Variants in ALPK2 observed in about 807,000 individuals in gnomAD.
ALPK2 encodes the protein alpha-protein kinase 2.
Under a neutral mutation model 163.1 loss-of-function variants are expected in ALPK2, and 127 were observed. That is an observed-to-expected ratio of 0.78 (90% CI 0.67 to 0.90). ALPK2 has a LOEUF of 0.90. Ranked by LOEUF, ALPK2 falls within the 40% of genes least tolerant of loss-of-function variation. The pLI, the probability that ALPK2 is intolerant of heterozygous loss-of-function variation, is 0.00. For missense variants in ALPK2, 2,360 were observed against 2,589.6 expected (o/e 0.91, Z 1.92); for synonymous variants, 953 against 959.1 (o/e 0.99, Z 0.12).
intron 1 of ALPK2, among the ~76,000 whole-genome samples, chr18:58,613,175 C>T (rs1283327799): frequency 6.6e-6 from 1 of 152,116 alleles, no homozygotes; most frequent in Non-Finnish European, 1.5e-5. Context: ...ACGAGTTCCC[C>T]GAGGACAGTT....
intron 10 of ALPK2, among the ~76,000 whole-genome samples, chr18:58,507,574 C>A (rs992838255): frequency 6.6e-6 from 1 of 152,176 alleles, no homozygotes; most frequent in Non-Finnish European, 1.5e-5. Context: ...TCTAGACCCC[C>A]TCTCCCAGTG....
At chr18:58,621,915 C>T (rs565432181) in intron 1 of ALPK2, among the ~76,000 whole-genome samples, 1 of 152,014 alleles carries the variant, frequency 6.6e-6, no homozygotes, top group Non-Finnish European at 1.5e-5. Context: ...CAGCAGCTCC[C>T]TCTGGATTTG....
chr18:58,547,978 T>C (rs980385117), intron 4 of ALPK2, among the ~76,000 whole-genome samples: 3 of 152,158 alleles, frequency 2.0e-5, no homozygotes, highest in Non-Finnish European at 4.4e-5. Context: ...AATTTGTGAG[T>C]AAAAGCAAAA....
chr18:58,579,330 G>A lies in ALPK2; in HGVS notation c.1446C>T (p.Asp482=), dbSNP rs1471458181. 6.2e-7 allele frequency: 1 copy of A among 1,614,134 alleles called. No individual in the cohort carries two copies. Among genetic ancestry groups the A allele is most frequent in the East Asian group, 2.2e-5 (1 of 44,878 alleles). Residue 482 remains aspartate (D), a synonymous_variant, in exon 4 of 13, where the codon GAC becomes GAT. Coordinates refer to ENST00000361673, the MANE Select transcript of ALPK2 (RefSeq NM_052947.4). Reference sequence around the variant, plus strand: ...CTGATTCATCCATGTTGAGCAGATTGTCACTGGCAAATTCCTCTCTTGCTT... The same window carrying A: ...CTGATTCATCCATGTTGAGCAGATTATCACTGGCAAATTCCTCTCTTGCTT... The part of the protein sequence containing the change: ...SHQAREEFAS[D]NLLNMDESVR...
intron 10 of ALPK2, among the ~76,000 whole-genome samples, chr18:58,509,383 C>CT (rs1568069777): frequency 6.6e-6 from 1 of 152,038 alleles, no homozygotes; most frequent in Non-Finnish European, 1.5e-5. Flanking sequence ...ATTTATAATC[C>CT]TTTGGGTATA....
rs541427546 is a variant in ALPK2 at position 58,543,028 on chromosome 18, A to C, written c.1963-4804T>G. 5.1e-4 allele frequency among the ~76,000 whole-genome samples: 78 copies of C among 152,304 alleles called. 2 individuals are homozygous for C. The South Asian group carries it at 0.016, about 31-fold the overall frequency. On this transcript the variant is annotated intron_variant, in intron 4 of 12. Transcript: ENST00000361673. ...GAGCTCTGCCCTCATAGAGGGATTA[A>C]TCCATTTATGGATTAATGAATTAAT...
chr18:58,625,762 G>A (rs1171663420), intron 1 of ALPK2, among the ~76,000 whole-genome samples: 1 of 152,228 alleles, frequency 6.6e-6, no homozygotes, highest in Non-Finnish European at 1.5e-5. Context: ...GCAGTGGAAG[G>A]GCTGGCCCTT....
intron 3 of ALPK2, among the ~76,000 whole-genome samples, chr18:58,606,667 C>G (rs1246395496): frequency 6.6e-6 from 1 of 152,136 alleles, no homozygotes; most frequent in Non-Finnish European, 1.5e-5. Context: ...CTTTGAAGAA[C>G]CCTCAGGCTC....
chr18:58,522,067 T>A (rs1226300735), intron 8 of ALPK2, among the ~76,000 whole-genome samples: 1 of 152,240 alleles, frequency 6.6e-6, no homozygotes, highest in Non-Finnish European at 1.5e-5. Flanking sequence ...GTACATGCAG[T>A]AAATCTTTAA....
chr18:58,615,947 A>G (rs1234606238), intron 1 of ALPK2, among the ~76,000 whole-genome samples: 1 of 152,240 alleles, frequency 6.6e-6, no homozygotes, highest in Non-Finnish European at 1.5e-5. Flanking sequence ...GCCACAGAGC[A>G]CTGACTGTAC....
rs371657711 is a variant in ALPK2, at chr18:58,521,169, G to T, written c.5665+2637C>A. On this transcript the variant is annotated intron_variant, in intron 8 of 12. Coordinates refer to ENST00000361673, the MANE Select transcript of ALPK2 (RefSeq NM_052947.4). ...AGCTGGGAGAAGGTGATGTCATCAG[G>T]GTTCAGACCCAGGCTCTACGGCTGG... Among the ~76,000 whole-genome samples the T allele has an allele frequency of 2.0e-5, 3 of 152,350 alleles. No individual in the cohort carries two copies. In the East Asian group the frequency reaches 5.8e-4, roughly 29 times the overall value.
chr18:58,612,747 C>G (rs116612211), intron 1 of ALPK2, among the ~76,000 whole-genome samples: 1 of 152,226 alleles, frequency 6.6e-6, no homozygotes, highest in Admixed American at 6.5e-5. Flanking sequence ...TCCACGCTAC[C>G]GCTACCGGCA....
At chr18:58,600,685 G>C (rs2052064878) in intron 3 of ALPK2, 2 of 152,256 alleles carry the variant, frequency 1.3e-5, no homozygotes, top group African/African-American at 2.4e-5. Context: ...TAGCATGTTA[G>C]AGTTCTAGTG....
At chr18:58,625,405 T>C (rs1602245506) in intron 1 of ALPK2, among the ~76,000 whole-genome samples, 1 of 152,096 alleles carries the variant, frequency 6.6e-6, no homozygotes, top group Non-Finnish European at 1.5e-5. Flanking sequence ...TAAGCACAAA[T>C]AGGTTTTCTT....
chr18:58,624,860 CATCAAGTTACA>C (rs1443860546), intron 1 of ALPK2, among the ~76,000 whole-genome samples: 1 of 152,200 alleles, frequency 6.6e-6, no homozygotes, highest in Non-Finnish European at 1.5e-5. Context: ...CTATGTTGGA[CATCAAGTTACA>C]ATCAAGTTAC....
At chr18:58,622,069 G>A (rs918161435) in intron 1 of ALPK2, among the ~76,000 whole-genome samples, 1 of 151,354 alleles carries the variant, frequency 6.6e-6, no homozygotes, top group Non-Finnish European at 1.5e-5. Flanking sequence ...GTGCGAGGCC[G>A]GGCATAGTGG....
intron 3 of ALPK2, among the ~76,000 whole-genome samples, chr18:58,595,044 G>A (rs2052034145): frequency 1.3e-5 from 2 of 152,122 alleles, no homozygotes; most frequent in Admixed American, 6.6e-5. Flanking sequence ...CAAATCCAAA[G>A]TCATGACCAT....
intron 3 of ALPK2, among the ~76,000 whole-genome samples, chr18:58,590,862 G>A (rs1335501361): frequency 6.6e-6 from 1 of 152,184 alleles, no homozygotes; most frequent in African/African-American, 2.4e-5. Context: ...TCTCTCCCAG[G>A]CCGGTTCTCA....
chr18:58,609,088 C>T (rs77203156), intron 2 of ALPK2, among the ~76,000 whole-genome samples: 1 of 152,008 alleles, frequency 6.6e-6, no homozygotes, highest in South Asian at 2.1e-4. Context: ...CCTGAAAATG[C>T]TAAGTCTCCC....
Sources: gnomAD v4.1 joint callset for allele counts (sites outside exome capture counted in the v4.1 genomes callset) on GRCh38, gnomAD v4.1.1 for gene constraint, MANE v1.5 for transcripts, NCBI Gene and HGNC (gene_info 2026-07-23, HGNC 2026-07-21) for gene names.